LRMDA: variants seen among roughly 807,000 people sequenced by gnomAD.
LRMDA encodes leucine rich melanocyte differentiation associated.
A neutral mutation model predicts 29.8 loss-of-function variants in LRMDA; 18 were observed. The observed-to-expected ratio is 0.60, with a 90% CI of 0.42 to 0.90. The LOEUF (loss-of-function observed/expected upper bound fraction) is 0.90, where lower values mean the gene tolerates loss of function less well. Ranked by LOEUF, LRMDA falls within the 40% of genes least tolerant of loss-of-function variation. The probability of loss-of-function intolerance (pLI) is 0.00; values close to 1 mark genes in which losing one functional copy is unlikely to be tolerated. For missense variants in LRMDA, 273 were observed against 273.9 expected, an observed-to-expected ratio of 1.00 and a Z score of 0.02; for synonymous variants, 125 against 109.4, an observed-to-expected ratio of 1.14 and a Z score of -0.89.
intron 5 of LRMDA, among the ~76,000 whole-genome samples, chr10:76,216,103 C>T (rs1282150379): frequency 6.6e-6 from 1 of 152,124 alleles, no homozygotes; most frequent in Non-Finnish European, 1.5e-5. Flanking sequence ...CCTTTTATCC[C>T]AACATTTTGG....
At chr10:76,066,695 G>A (rs1848791137) in intron 5 of LRMDA, among the ~76,000 whole-genome samples, 2 of 152,180 alleles carry the variant, frequency 1.3e-5, no homozygotes, top group Non-Finnish European at 2.9e-5. Flanking sequence ...TTTTAACCCT[G>A]TGATGACTCC....
intron 6 of LRMDA, among the ~76,000 whole-genome samples, chr10:76,449,349 C>A (rs534930329): frequency 6.6e-6 from 1 of 151,732 alleles, no homozygotes; most frequent in African/African-American, 2.4e-5. Flanking sequence ...GTTATATGTC[C>A]TTTATATCTT....
chr10:76,220,005 T>C (rs1851800727), intron 5 of LRMDA, among the ~76,000 whole-genome samples: 1 of 152,192 alleles, frequency 6.6e-6, no homozygotes, highest in Admixed American at 6.5e-5. Context: ...AACAACCTGC[T>C]CCTGAATAAC....
At chr10:75,914,255 G>C (rs1043552054) in intron 2 of LRMDA, among the ~76,000 whole-genome samples, 1 of 152,170 alleles carries the variant, frequency 6.6e-6, no homozygotes, top group Non-Finnish European at 1.5e-5. Flanking sequence ...TTATTTGGTT[G>C]CTCCTTAGCT....
At position 76,361,247 on chromosome 10, in the gene LRMDA, C is replaced by T. The variant is rs190373095; in HGVS notation, c.601+36762C>T. Among the ~76,000 whole-genome samples, 18 of 148,594 alleles carry T rather than the reference C, an allele frequency of 1.2e-4. No homozygotes were observed. In the East Asian group the frequency reaches 2.8e-3, roughly 23 times the overall value. ...TTGCACTCCAGCCTGGATGACAGAG[C>T]GAGACTGTCTCAAAAAAAAAAAAGA... On this transcript the variant is annotated intron_variant, in intron 6 of 6. Coordinates refer to ENST00000611255, the MANE Select transcript of LRMDA (RefSeq NM_001305581.2).
chr10:75,470,473 G>A (rs1389311429), intron 2 of LRMDA, among the ~76,000 whole-genome samples: 1 of 152,192 alleles, frequency 6.6e-6, no homozygotes, highest in Non-Finnish European at 1.5e-5. Context: ...CTCCAGCCTG[G>A]GAGACACAGC....
chr10:76,111,936 G>A (rs561126779), intron 5 of LRMDA, among the ~76,000 whole-genome samples: 3 of 152,316 alleles, frequency 2.0e-5, no homozygotes, highest in South Asian at 4.1e-4. Context: ...CTTAAAAGTA[G>A]CCACCTGAAG....
At chr10:76,414,801 G>A (rs1564534913) in intron 6 of LRMDA, among the ~76,000 whole-genome samples, 1 of 152,188 alleles carries the variant, frequency 6.6e-6, no homozygotes, top group Non-Finnish European at 1.5e-5. Context: ...TGCCAGAGAG[G>A]GCTTTAAAGG....
At chr10:76,111,375 C>T (rs1849576578) in intron 5 of LRMDA, among the ~76,000 whole-genome samples, 2 of 152,264 alleles carry the variant, frequency 1.3e-5, no homozygotes, top group Non-Finnish European at 2.9e-5. Context: ...CAATACCCAT[C>T]TACTGAATGG....
rs141496237 is a variant in LRMDA, at chr10:76,158,320, T to C, written c.516+99537T>C. On this transcript the variant is annotated intron_variant, in intron 5 of 6. Coordinates refer to ENST00000611255, the MANE Select transcript of LRMDA (RefSeq NM_001305581.2). ...CATTTTTGCTTTCCTATATAAAACC[T>C]TCTAAACCAGGCCCCTTTGACCTCT... Among the ~76,000 whole-genome samples the C allele has an allele frequency of 1.5e-3, 226 of 152,264 alleles. 1 individual carries two copies. The highest frequency in any genetic ancestry group is 4.8e-3 in the African/African-American group (200 of 41,562).
intron 2 of LRMDA, among the ~76,000 whole-genome samples, chr10:75,552,219 CA>C (rs1840159343): frequency 6.6e-6 from 1 of 152,116 alleles, no homozygotes; most frequent in Non-Finnish European, 1.5e-5. Context: ...GGTATGTTGG[CA>C]ATGAATTTTT....
chr10:75,625,632 C>T (rs1841240790), intron 2 of LRMDA, among the ~76,000 whole-genome samples: 1 of 152,146 alleles, frequency 6.6e-6, no homozygotes, highest in African/African-American at 2.4e-5. Flanking sequence ...AGATTTCTTG[C>T]TACAGCTTGT....
intron 6 of LRMDA, among the ~76,000 whole-genome samples, chr10:76,334,232 G>T (rs532268218): frequency 6.6e-6 from 1 of 152,324 alleles, no homozygotes; most frequent in African/African-American, 2.4e-5. Context: ...GGTCTAAATT[G>T]TTCAGCCGTG....
At chr10:75,457,630 T>C (rs1251416221) in intron 2 of LRMDA, among the ~76,000 whole-genome samples, 1 of 152,228 alleles carries the variant, frequency 6.6e-6, no homozygotes, top group African/African-American at 2.4e-5. Flanking sequence ...TTTGAAAGTC[T>C]ATAGAAAATT....
chr10:75,991,930 T>C (rs917266328), intron 2 of LRMDA, among the ~76,000 whole-genome samples: 1 of 152,166 alleles, frequency 6.6e-6, no homozygotes, highest in African/African-American at 2.4e-5. Flanking sequence ...GTGTTTGACA[T>C]CTCCTTGACG....
rs1054539044 is a variant in LRMDA at position 75,530,151 on chromosome 10, G to T, written c.131+91657G>T. Among the ~76,000 whole-genome samples the T allele has an allele frequency of 2.2e-4, 32 of 146,180 alleles. 1 individual carries two copies. The highest frequency in any genetic ancestry group is 2.1e-3 in the Admixed American group (32 of 15,024). On this transcript the variant is annotated intron_variant, in intron 2 of 6. Coordinates refer to ENST00000611255, the MANE Select transcript of LRMDA (RefSeq NM_001305581.2). The stretch of plus-strand genomic sequence containing the variant: ...TATAAAACTTTGTAAAAAAAATAAA[G>T]AAGAAGGCTAAAAACAGATTAAAAA...
chr10:76,355,144 G>A (rs1182479709), intron 6 of LRMDA, among the ~76,000 whole-genome samples: 2 of 152,048 alleles, frequency 1.3e-5, no homozygotes, highest in African/African-American at 4.8e-5. Context: ...AAAAGCTTAT[G>A]AGCTCATAGG....
chr10:75,897,975 C>T (rs974919148), intron 2 of LRMDA, among the ~76,000 whole-genome samples: 2 of 151,968 alleles, frequency 1.3e-5, no homozygotes, highest in Non-Finnish European at 2.9e-5. Flanking sequence ...GCACCCACCA[C>T]CACGCCTGGC....
intron 2 of LRMDA, among the ~76,000 whole-genome samples, chr10:75,817,581 A>G (rs1198249110): frequency 6.6e-6 from 1 of 152,250 alleles, no homozygotes; most frequent in Non-Finnish European, 1.5e-5. Flanking sequence ...GAGAAGGCAC[A>G]TAGACACAGG....
Sources: allele counts gnomAD v4.1 joint callset (sites outside exome capture counted in the v4.1 genomes callset), GRCh38; gene constraint gnomAD v4.1.1; transcripts MANE v1.5; gene names NCBI Gene and HGNC (gene_info 2026-07-23, HGNC 2026-07-21).